The following NAPEPLD variants were observed in gnomAD, a reference collection of about 807,000 sequenced individuals.
The protein encoded by NAPEPLD is N-acyl-phosphatidylethanolamine-hydrolyzing phospholipase D.
NAPEPLD carries 23 observed loss-of-function variants against 38.1 expected under a neutral mutation model. That is an observed-to-expected ratio of 0.60 (90% CI 0.43 to 0.86). NAPEPLD has a LOEUF of 0.86. Ranked by LOEUF, NAPEPLD falls within the 40% of genes least tolerant of loss-of-function variation. The probability of loss-of-function intolerance (pLI) is 0.00; values close to 1 mark genes in which losing one functional copy is unlikely to be tolerated. For missense variants in NAPEPLD, 411 were observed against 476.8 expected (o/e 0.86, Z 1.28); for synonymous variants, 147 against 162.0 (o/e 0.91, Z 0.71).
chr7:103,133,014 T>A (rs957185115), intron 1 of NAPEPLD, among the ~76,000 whole-genome samples: 10 of 151,898 alleles, frequency 6.6e-5, no homozygotes, highest in African/African-American at 2.4e-4. Context: ...ACACACAAAG[T>A]CCAGTTTTCA....
At chr7:103,103,966 C>T (rs1267998763) in intron 4 of NAPEPLD, among the ~76,000 whole-genome samples, 1 of 151,774 alleles carries the variant, frequency 6.6e-6, no homozygotes, top group Non-Finnish European at 1.5e-5. Flanking sequence ...TGTGTGTAAC[C>T]AAATGCTAGA....
intron 1 of NAPEPLD, among the ~76,000 whole-genome samples, chr7:103,135,785 A>C (rs994130412): frequency 6.6e-6 from 1 of 152,100 alleles, no homozygotes; most frequent in Non-Finnish European, 1.5e-5. Flanking sequence ...TCTTCACTAG[A>C]GTGGAAAGAA....
chr7:103,136,736 ATTT>A (rs1157759230), intron 1 of NAPEPLD, among the ~76,000 whole-genome samples: 2 of 152,008 alleles, frequency 1.3e-5, no homozygotes, highest in Non-Finnish European at 2.9e-5. Context: ...AATTTTTTTC[ATTT>A]TTCTTTCCTT....
chr7:103,102,525 C>G lies in NAPEPLD; in HGVS notation c.*904G>C, dbSNP rs1197958298. 1 of 150,854 alleles carries G rather than the reference C, an allele frequency of 6.6e-6. No homozygotes were observed. Among genetic ancestry groups the G allele is most frequent in the South Asian group, 2.1e-4 (1 of 4,792 alleles). 9.3% of individuals were successfully genotyped at this position (150,854 alleles called of 1,614,324 possible). The stretch of plus-strand genomic sequence containing the variant: ...TTTTTCTTTTTTCTTTTTTTTTTTC[C>G]GAGAGAGACGGGAGGTCACCATGTT... On this transcript the variant is annotated 3_prime_UTR_variant, in exon 5 of 5. Coordinates refer to ENST00000465647, the MANE Select transcript of NAPEPLD (RefSeq NM_001122838.3).
chr7:103,119,674 C>A lies in NAPEPLD; in HGVS notation c.844G>T (p.Ala282Ser), dbSNP rs532713419. The A allele has an allele frequency of 3.1e-6, 5 of 1,613,946 alleles. No individual in the cohort carries two copies. In the South Asian group the frequency reaches 3.3e-5, roughly 11 times the overall value. Residue 282 changes from alanine (A) to serine (S), a missense_variant, in exon 3 of 5, where the codon GCA (alanine) becomes TCA (serine). Ala to Ser is a moderately conservative substitution (Grantham distance 99). Transcript: ENST00000465647. ...VLGPWNRFFFAGDTGYCPAFE... is the reference protein window; with the variant it reads ...VLGPWNRFFFSGDTGYCPAFE... ...GCAGGGCAATAACCAGTATCTCCTG[C>A]GAAAAAAAATCGATTCCAAGGCCCC...
upstream of NAPEPLD, chr7:103,149,337 G>A (rs1334291027): frequency 8.8e-7 from 1 of 1,138,456 alleles, no homozygotes; most frequent in Non-Finnish European, 1.1e-6. Context: ...TCCGGCCACA[G>A]AGTCCCCGCG....
chr7:103,149,574 A>C (rs962711509), upstream of NAPEPLD: 8 of 1,048,192 alleles, frequency 7.6e-6, no homozygotes, highest in African/African-American at 5.3e-5. Flanking sequence ...CTGCCTCTCC[A>C]GCCCTTACCA....
chr7:103,119,541 A>C, intron 3 of NAPEPLD, 36 bp downstream of exon 3: 1 of 1,560,142 alleles, frequency 6.4e-7, no homozygotes, highest in Non-Finnish European at 8.7e-7. Flanking sequence ...TTAATTTATC[A>C]CATAGCAGGA....
intron 1 of NAPEPLD, among the ~76,000 whole-genome samples, chr7:103,144,614 T>C (rs1257186773): frequency 6.6e-6 from 1 of 151,884 alleles, no homozygotes; most frequent in Non-Finnish European, 1.5e-5. Flanking sequence ...TCTTTCAAGC[T>C]GGGGAGAATG....
intron 1 of NAPEPLD, chr7:103,147,922 A>C (rs940811334): frequency 1.1e-6 from 1 of 931,766 alleles, no homozygotes; most frequent in Non-Finnish European, 1.3e-6. Flanking sequence ...TAACCCCTCA[A>C]TCTCTCCTTA....
At chr7:103,123,074 T>C (rs1158414743) in intron 2 of NAPEPLD, among the ~76,000 whole-genome samples, 1 of 152,212 alleles carries the variant, frequency 6.6e-6, no homozygotes, top group Non-Finnish European at 1.5e-5. Flanking sequence ...ACTCCTAGAC[T>C]GAGCTCAAGA....
intron 2 of NAPEPLD, among the ~76,000 whole-genome samples, chr7:103,126,050 G>A (rs911640516): frequency 1.3e-5 from 2 of 152,084 alleles, no homozygotes; most frequent in African/African-American, 2.4e-5. Flanking sequence ...ATCAGGCTGT[G>A]TACAAAAACC....
In NAPEPLD at chr7:103,128,757, T is replaced by C; in HGVS notation, c.20A>G (p.Asn7Ser). 1 of 1,611,970 alleles carries C rather than the reference T, an allele frequency of 6.2e-7. No homozygotes were observed. The highest frequency in any genetic ancestry group is 8.5e-7 in the Non-Finnish European group (1 of 1,179,522). Reference protein sequence around the residue: MDENESNQSLMTSSQYP... With the variant: MDENESSQSLMTSSQYP... ...TTGGCTGCTTGTCATCAGAGACTGG[T>C]TGCTTTCATTTTCATCCATGTCCTT... is the stretch of plus-strand genomic sequence containing the variant. Residue 7 changes from asparagine (N) to serine (S), a missense_variant, in exon 2 of 5, where the codon AAC becomes AGC. By Grantham distance (46) the Asn-to-Ser change is conservative (BLOSUM62 1). Transcript: ENST00000465647.
At position 103,119,759 on chromosome 7, in the gene NAPEPLD, G is replaced by C. The variant is rs1563354501; in HGVS notation, c.759C>G (p.His253Gln). 1 of 1,614,124 alleles carries C rather than the reference G, an allele frequency of 6.2e-7. No individual in the cohort carries two copies. Among genetic ancestry groups the C allele is most frequent in the African/African-American group, 1.3e-5 (1 of 75,030 alleles). ...KVTFVFTPSQHWCKRTLMDDN... is the reference protein window; with the variant it reads ...KVTFVFTPSQQWCKRTLMDDN... The stretch of plus-strand genomic sequence containing the variant: ...CATCCATTAGAGTCCTTTTACACCA[G>C]TGCTGGGAAGGTGTAAAGACAAAAG... The change falls in exon 3 of 5, where the codon CAC becomes CAG. Residue 253 changes from histidine to glutamine, a missense_variant. Coordinates refer to ENST00000465647, the MANE Select transcript of NAPEPLD (RefSeq NM_001122838.3).
intron 4 of NAPEPLD, among the ~76,000 whole-genome samples, chr7:103,109,734 T>C (rs935097895): frequency 6.6e-6 from 1 of 151,172 alleles, no homozygotes; most frequent in Admixed American, 6.6e-5. Flanking sequence ...AGACAAGAAA[T>C]AACTAAGATC....
At chr7:103,107,430 A>T (rs2129526772) in intron 4 of NAPEPLD, among the ~76,000 whole-genome samples, 1 of 152,280 alleles carries the variant, frequency 6.6e-6, no homozygotes, top group Non-Finnish European at 1.5e-5. Context: ...AGGCTTTAGA[A>T]GGTGGGTAAT....
At chr7:103,134,075 G>C (rs1239486521) in intron 1 of NAPEPLD, among the ~76,000 whole-genome samples, 2 of 152,220 alleles carry the variant, frequency 1.3e-5, no homozygotes, top group South Asian at 2.1e-4. Flanking sequence ...ATGACATATA[G>C]TGATATCAGT....
intron 1 of NAPEPLD, among the ~76,000 whole-genome samples, chr7:103,144,674 T>C (rs866586895): frequency 7.3e-5 from 11 of 151,430 alleles, no homozygotes; most frequent in Admixed American, 2.0e-4. Flanking sequence ...GATCAACATA[T>C]CTAGTTTGCC....
intron 4 of NAPEPLD, among the ~76,000 whole-genome samples, chr7:103,106,186 T>C (rs1483816820): frequency 6.6e-6 from 1 of 152,018 alleles, no homozygotes; most frequent in East Asian, 1.9e-4. Context: ...TGAGAGACTG[T>C]ACGGGGAGGA....
Sources: gnomAD v4.1 joint callset for allele counts (sites outside exome capture counted in the v4.1 genomes callset) on GRCh38, gnomAD v4.1.1 for gene constraint, MANE v1.5 for transcripts, NCBI Gene and HGNC (gene_info 2026-07-23, HGNC 2026-07-21) for gene names.